LAMA2: variants seen among roughly 807,000 people sequenced by gnomAD.
LAMA2 encodes the protein laminin subunit alpha 2.
A neutral mutation model predicts 364.8 loss-of-function variants in LAMA2; 269 were observed. The observed-to-expected ratio is 0.74, with a 90% confidence interval of 0.67 to 0.82. The LOEUF (loss-of-function observed/expected upper bound fraction) is 0.82. Ranked by LOEUF, LAMA2 falls within the 40% of genes least tolerant of loss-of-function variation. LAMA2 has a pLI of 0.00. For synonymous variants in LAMA2, 1,379 were observed against 1,370.6 expected, an observed-to-expected ratio of 1.01 and a Z score of -0.14; for missense variants, 3,807 against 3,873.2, an observed-to-expected ratio of 0.98 and a Z score of 0.45.
intron 32 of LAMA2, among the ~76,000 whole-genome samples, chr6:129,365,083 T>C (rs933105711): frequency 1.3e-5 from 2 of 152,212 alleles, no homozygotes; most frequent in Admixed American, 1.3e-4. Flanking sequence ...GGGGATGACA[T>C]TTCAATATGA....
intron 1 of LAMA2, among the ~76,000 whole-genome samples, chr6:129,011,270 C>T (rs4897291): frequency 6.6e-6 from 1 of 152,176 alleles, no homozygotes; most frequent in Non-Finnish European, 1.5e-5. Context: ...ACACAGGAGT[C>T]CTTTCTAGAG....
chr6:129,251,030 GTCTCTCTCTTTCTC>G (rs1214161594), intron 13 of LAMA2, among the ~76,000 whole-genome samples: 9 of 67,558 alleles, frequency 1.3e-4, no homozygotes, highest in Admixed American at 2.9e-4. Flanking sequence ...CTCTCTCTCT[GTCTCTCTCTTTCTC>G]TCTCTCTCTC....
rs183542309 is a variant in LAMA2 at position 129,275,132 on chromosome 6, G to A, written c.2450+4381G>A. ...TTGGGCTCACTCAAGAGATCATATT[G>A]AATGCACGTTGTTAAAATTAATATA... On this transcript the variant is annotated intron_variant, in intron 17 of 64. Transcript: ENST00000421865. 2.2e-3 allele frequency among the ~76,000 whole-genome samples: 340 copies of A among 152,036 alleles called. 1 individual carries two copies. Among genetic ancestry groups the A allele is most frequent in the African/African-American group, 7.0e-3 (292 of 41,520 alleles).
At chr6:129,385,893 T>C (rs542080630) in intron 35 of LAMA2, among the ~76,000 whole-genome samples, 5 of 152,272 alleles carry the variant, frequency 3.3e-5, no homozygotes, top group Non-Finnish European at 5.9e-5. Flanking sequence ...TGAAAACAGT[T>C]TTGCTTCTCC....
chr6:129,298,917 T>G (rs1773376038), intron 21 of LAMA2, among the ~76,000 whole-genome samples: 1 of 152,160 alleles, frequency 6.6e-6, no homozygotes, highest in Non-Finnish European at 1.5e-5. Flanking sequence ...CCAATATCTG[T>G]ATAACTTAAA....
chr6:129,261,320 G>C (rs1444014760), intron 15 of LAMA2, among the ~76,000 whole-genome samples: 1 of 151,886 alleles, frequency 6.6e-6, no homozygotes, highest in Non-Finnish European at 1.5e-5. Flanking sequence ...AAAATACCTT[G>C]ATATAGAAAA....
chr6:129,081,159 C>T (rs907570396), intron 3 of LAMA2, among the ~76,000 whole-genome samples: 7 of 151,744 alleles, frequency 4.6e-5, no homozygotes, highest in Admixed American at 3.9e-4. Flanking sequence ...AACCAAACAC[C>T]GCATGTTCTC....
chr6:129,208,529 G>C (rs913136783), intron 12 of LAMA2, among the ~76,000 whole-genome samples: 12 of 139,992 alleles, frequency 8.6e-5, no homozygotes, highest in Middle Eastern at 3.6e-3. Context: ...GAAAAAGAAA[G>C]AAAGAGAGAA....
chr6:128,989,521 G>T (rs1043853727), intron 1 of LAMA2, among the ~76,000 whole-genome samples: 5 of 152,108 alleles, frequency 3.3e-5, no homozygotes, highest in Non-Finnish European at 7.3e-5. Flanking sequence ...TCAGTACCTT[G>T]GGCTCCCCAT....
intron 18 of LAMA2, among the ~76,000 whole-genome samples, chr6:129,287,050 GCAAGGA>G (rs1789304649): frequency 5.9e-5 from 1 of 17,090 alleles, no homozygotes; most frequent in Non-Finnish European, 1.5e-4. Context: ...AAGGAAGGAA[GCAAGGA>G]AGGAAGGAAG....
intron 62 of LAMA2, among the ~76,000 whole-genome samples, chr6:129,510,280 A>G (rs1438318001): frequency 6.6e-6 from 1 of 152,338 alleles, no homozygotes; most frequent in African/African-American, 2.4e-5. Context: ...TACAAAGTCA[A>G]CATACAAAAA....
intron 30 of LAMA2, among the ~76,000 whole-genome samples, chr6:129,342,670 A>T (rs1409403703): frequency 3.3e-5 from 5 of 152,152 alleles, no homozygotes; most frequent in African/African-American, 1.2e-4. Context: ...TGTCCCAAGT[A>T]AATAATACTT....
chr6:128,952,392 A>AG (rs1253554435), intron 1 of LAMA2, among the ~76,000 whole-genome samples: 1 of 150,264 alleles, frequency 6.7e-6, no homozygotes, highest in East Asian at 1.9e-4. Flanking sequence ...ACAGCAAAGA[A>AG]TTTTGGAGCA....
chr6:129,256,787 TATATATATATATAG>T, intron 14 of LAMA2, among the ~76,000 whole-genome samples: 1 of 133,634 alleles, frequency 7.5e-6, no homozygotes, highest in Non-Finnish European at 1.7e-5. Flanking sequence ...TATATATATA[TATATATATATATAG>T]TGGGTAGAAA....
intron 12 of LAMA2, among the ~76,000 whole-genome samples, chr6:129,220,927 C>T (rs1490311840): frequency 6.6e-6 from 1 of 152,074 alleles, no homozygotes; most frequent in East Asian, 1.9e-4. Context: ...TGTGGGAGGC[C>T]GAGGAGGGTG....
intron 1 of LAMA2, among the ~76,000 whole-genome samples, chr6:129,045,701 A>G (rs369921468): frequency 6.6e-6 from 1 of 152,320 alleles, no homozygotes; most frequent in African/African-American, 2.4e-5. Flanking sequence ...TAATTGGTAC[A>G]TAATCCAATT....
intron 4 of LAMA2, among the ~76,000 whole-genome samples, chr6:129,122,256 A>T (rs1424160229): frequency 6.6e-6 from 1 of 152,240 alleles, no homozygotes; most frequent in African/African-American, 2.4e-5. Flanking sequence ...TTTATTAGGT[A>T]GTTTTTGAGA....
At chr6:129,250,898 C>T (rs2169869) in intron 13 of LAMA2, among the ~76,000 whole-genome samples, 13,280 of 151,944 alleles carry the variant, frequency 0.087, 1,914 homozygotes, top group African/African-American at 0.3. Context: ...TCTGTTGTTT[C>T]CTGTCTTGAA....
At chr6:129,087,874 T>A (rs1053092601) in intron 3 of LAMA2, among the ~76,000 whole-genome samples, 3 of 146,630 alleles carry the variant, frequency 2.0e-5, no homozygotes, top group Non-Finnish European at 1.5e-5. Flanking sequence ...ATGATGATAT[T>A]TCTTTTTTTT....
Sources: gnomAD v4.1 joint callset for allele counts (sites outside exome capture counted in the v4.1 genomes callset) on GRCh38, gnomAD v4.1.1 for gene constraint, MANE v1.5 for transcripts, NCBI Gene and HGNC (gene_info 2026-07-23, HGNC 2026-07-21) for gene names.